Variants in SCUBE1 observed in about 807,000 individuals in gnomAD.
The protein encoded by SCUBE1 is signal peptide, CUB and EGF-like domain-containing protein 1.
A neutral mutation model predicts 124.4 loss-of-function variants in SCUBE1; 59 were observed. The observed-to-expected ratio is 0.47, with a 90% CI of 0.38 to 0.59. The LOEUF (loss-of-function observed/expected upper bound fraction) is 0.59, where lower values mean the gene tolerates loss of function less well. Among genes scored for constraint, SCUBE1 ranks in the 20% least tolerant of loss-of-function variants. SCUBE1 has a pLI of 0.00. For missense variants in SCUBE1, 1,150 were observed against 1,371.2 expected (o/e 0.84, Z 2.55); for synonymous variants, 545 against 550.9 (o/e 0.99, Z 0.15).
intron 6 of SCUBE1, among the ~76,000 whole-genome samples, chr22:43,241,900 A>G (rs1176655047): frequency 6.6e-6 from 1 of 152,238 alleles, no homozygotes; most frequent in Non-Finnish European, 1.5e-5. Context: ...GGGAGGGTCA[A>G]GTGGAGGGAG....
At position 43,280,442 on chromosome 22, in the gene SCUBE1, C is replaced by CTCCCGT. The variant is rs1924734053; in HGVS notation, c.484+10603_484+10604insACGGGA. On this transcript the variant is annotated intron_variant, in intron 4 of 21. Transcript: ENST00000360835. Reference sequence around the variant, plus strand: ...CTCCTGTCCCTTCCCCTCACCCATCCCCCTGTCCCTTCCCCTCACCCATCC... The same window carrying CTCCCGT: ...CTCCTGTCCCTTCCCCTCACCCATCCTCCCGTCCCTGTCCCTTCCCCTCACCCATCC... Among the ~76,000 whole-genome samples, 3 of 122,238 alleles carry CTCCCGT rather than the reference C, an allele frequency of 2.5e-5. No homozygotes were observed. In the South Asian group the frequency reaches 8.4e-4, roughly 34 times the overall value. The allele number at this position is 122,238 out of a possible 152,430, so 80.2% of individuals were successfully genotyped here.
At chr22:43,259,287 C>T (rs1006588526) in intron 5 of SCUBE1, among the ~76,000 whole-genome samples, 19 of 152,154 alleles carry the variant, frequency 1.2e-4, no homozygotes, top group South Asian at 4.1e-4. Context: ...CAAATGTGCA[C>T]CAGGGCCTCA....
intron 13 of SCUBE1, among the ~76,000 whole-genome samples, chr22:43,220,831 A>G (rs577104818): frequency 1.1e-4 from 17 of 152,250 alleles, no homozygotes; most frequent in Admixed American, 3.3e-4. Flanking sequence ...TTCATGAATG[A>G]GGCTGTGCCC....
At chr22:43,227,250 G>T in intron 10 of SCUBE1, 124 bp downstream of exon 10, 1 of 1,148,428 alleles carries the variant, frequency 8.7e-7, no homozygotes. Context: ...CCTCTGCCTG[G>T]GAATGCAAGG....
intron 6 of SCUBE1, among the ~76,000 whole-genome samples, chr22:43,248,266 G>A (rs1195273704): frequency 2.6e-5 from 4 of 152,212 alleles, no homozygotes; most frequent in Non-Finnish European, 4.4e-5. Context: ...GCTGGGGGGC[G>A]AGGGGTAGGG....
In SCUBE1 at chr22:43,255,487, C is replaced by A; in HGVS notation, c.727+2732G>T. On this transcript the variant is annotated intron_variant, in intron 6 of 21. Transcript: ENST00000360835. The surrounding 1 kb of genome is among the most constrained non-coding windows in gnomAD (Gnocchi z 4.7). ...CAAAGGAAGTGGAAGAAAAGTGTTA[C>A]CCATGAGTAGCCGCCGTTTCACCCG... 3 of 1,550,282 alleles carry A rather than the reference C, an allele frequency of 1.9e-6. No homozygotes were observed. The highest frequency in any genetic ancestry group is 2.4e-5 in the South Asian group (2 of 84,060).
At position 43,211,920 on chromosome 22, in the gene SCUBE1, G is replaced by A. The variant is rs1036196486; in HGVS notation, c.2221+505C>T. Among the ~76,000 whole-genome samples the A allele has an allele frequency of 6.6e-6, 1 of 152,150 alleles. No individual in the cohort carries two copies. Among genetic ancestry groups the A allele is most frequent in the Non-Finnish European group, 1.5e-5 (1 of 68,014 alleles). The stretch of plus-strand genomic sequence containing the variant: ...AGGGGGCTGAGAGCCAGGCCACCTG[G>A]ACAGACAGACAGACACTGAGAGGGA... On this transcript the variant is annotated intron_variant, in intron 17 of 21. Coordinates refer to ENST00000360835, the MANE Select transcript of SCUBE1 (RefSeq NM_173050.5). The surrounding 1 kb of genome is among the most constrained non-coding windows in gnomAD (Gnocchi z 4.5).
intron 4 of SCUBE1, among the ~76,000 whole-genome samples, chr22:43,275,339 A>G (rs1924461150): frequency 6.6e-6 from 1 of 152,198 alleles, no homozygotes; most frequent in South Asian, 2.1e-4. Context: ...GGCTGGGCAC[A>G]CTGCTCTGCA....
rs540589543 is a variant in SCUBE1 at position 43,343,263 on chromosome 22, C to A, written c.-2G>T. The A allele has an allele frequency of 8.7e-7, 1 of 1,145,540 alleles. No homozygotes were observed. 71.0% of individuals were successfully genotyped at this position (1,145,540 alleles called of 1,614,324 possible). On this transcript the variant is annotated 5_prime_UTR_variant, in exon 1 of 22. Transcript: ENST00000360835. ...CCAGCGCACGGCCGCCGCGCCCATG[C>A]TCAATGCGGGCCCCGCTGGGCGTGC...
intron 4 of SCUBE1, among the ~76,000 whole-genome samples, chr22:43,268,955 A>T (rs1284987753): frequency 6.6e-6 from 1 of 152,170 alleles, no homozygotes; most frequent in Non-Finnish European, 1.5e-5. Context: ...GGCAGTGGTT[A>T]TGGGGATTGG....
chr22:43,287,818 T>C (rs1803891751), intron 4 of SCUBE1, among the ~76,000 whole-genome samples: 1 of 152,218 alleles, frequency 6.6e-6, no homozygotes, highest in African/African-American at 2.4e-5. Flanking sequence ...CATGCTCTAA[T>C]TTTGAGCTAT....
chr22:43,308,958 A>G (rs76902590), intron 3 of SCUBE1, among the ~76,000 whole-genome samples: 3,914 of 152,390 alleles, frequency 0.026, 171 homozygotes, highest in African/African-American at 0.089. Context: ...GCGATGTCAC[A>G]TGACCCCTCA....
chr22:43,238,657 C>T, intron 7 of SCUBE1, 181 bp downstream of exon 7: 6 of 682,080 alleles, frequency 8.8e-6, no homozygotes, highest in Non-Finnish European at 1.7e-5. Context: ...GACCCTGCTG[C>T]TGGCCAGCCC....
At chr22:43,316,572 T>C (rs1381643405) in intron 3 of SCUBE1, among the ~76,000 whole-genome samples, 2 of 152,220 alleles carry the variant, frequency 1.3e-5, no homozygotes, top group Non-Finnish European at 2.9e-5. Flanking sequence ...ATCTAGTCAA[T>C]GCCCTGCTCA....
At chr22:43,216,561 T>G (rs1001708154) in intron 15 of SCUBE1, among the ~76,000 whole-genome samples, 4 of 151,738 alleles carry the variant, frequency 2.6e-5, no homozygotes, top group African/African-American at 9.7e-5. Flanking sequence ...GCTGAGGCAG[T>G]AGAATAGGTT....
intron 7 of SCUBE1, among the ~76,000 whole-genome samples, chr22:43,235,073 A>G (rs5759224): frequency 0.073 from 11,105 of 152,254 alleles, 475 homozygotes; most frequent in African/African-American, 0.11. Flanking sequence ...CTTGGGACAC[A>G]GACTTGGGGG....
intron 6 of SCUBE1, among the ~76,000 whole-genome samples, chr22:43,254,440 G>C (rs944019867): frequency 2.0e-5 from 3 of 152,204 alleles, no homozygotes; most frequent in African/African-American, 7.2e-5. Context: ...GTCCGCATGA[G>C]GGCCACGAAA....
At chr22:43,208,673 A>G (rs1163466822) in intron 19 of SCUBE1, among the ~76,000 whole-genome samples, 1 of 152,200 alleles carries the variant, frequency 6.6e-6, no homozygotes, top group Non-Finnish European at 1.5e-5. Flanking sequence ...GACCAGAGGC[A>G]CAGACTTGGG....
intron 14 of SCUBE1, 88 bp from the exon 15 acceptor site, chr22:43,218,546 C>T (rs1419382877): frequency 1.3e-5 from 18 of 1,389,194 alleles, no homozygotes; most frequent in Non-Finnish European, 1.8e-5. Flanking sequence ...GTGCCAGGCC[C>T]TGCACTGGGC....
Sources: gnomAD v4.1 joint callset for allele counts (sites outside exome capture counted in the v4.1 genomes callset) on GRCh38, gnomAD v4.1.1 for gene constraint, Gnocchi (gnomAD v3.1) non-coding constraint, MANE v1.5 for transcripts, NCBI Gene and HGNC (gene_info 2026-07-23, HGNC 2026-07-21) for gene names.